The following FMN2 variants were observed in gnomAD, a reference collection of about 807,000 sequenced individuals.
The protein encoded by FMN2 is formin 2.
FMN2 carries 51 observed loss-of-function variants against 142.3 expected under a neutral mutation model. The ratio of observed to expected loss-of-function variants is 0.36; its 90% CI spans 0.29 to 0.45. The LOEUF is 0.45. FMN2 is among the 20% of genes least tolerant of loss of function. The pLI is 1.00. For missense variants in FMN2, 1,936 were observed against 2,122.8 expected (o/e 0.91, Z 1.73); for synonymous variants, 882 against 869.8 (o/e 1.01, Z -0.25).
intron 16 of FMN2, among the ~76,000 whole-genome samples, chr1:240,468,868 G>A (rs1282064773): frequency 6.6e-6 from 1 of 152,122 alleles, no homozygotes; most frequent in Non-Finnish European, 1.5e-5. Flanking sequence ...TCTTCGTACC[G>A]ACTTCTCCCT....
At chr1:240,112,877 G>A (rs189839263) in intron 1 of FMN2, among the ~76,000 whole-genome samples, 2 of 152,334 alleles carry the variant, frequency 1.3e-5, no homozygotes, top group Non-Finnish European at 2.9e-5. Flanking sequence ...ACCAGCTCCT[G>A]CTGTGAAATG....
chr1:240,274,221 G>GA lies in FMN2; in HGVS notation c.4153+16204dup, dbSNP rs112979143. On this transcript the variant is annotated intron_variant, in intron 7 of 17. Coordinates refer to ENST00000319653, the MANE Select transcript of FMN2 (RefSeq NM_020066.5). ...TTTTAATATGTACCATGGGGGAAAC[G>GA]AAAAAAAAAAAAAAAGAGAGAGTGG... Among the ~76,000 whole-genome samples, 433 of 109,402 alleles carry GA rather than the reference G, an allele frequency of 4.0e-3. 1 individual carries two copies. The highest frequency in any genetic ancestry group is 5.2e-3 in the Non-Finnish European group (260 of 49,746). The allele number at this position is 109,402 out of a possible 152,430, so 71.8% of individuals were successfully genotyped here. A position where few individuals can be genotyped will look rare whatever the true frequency, so the allele number is the denominator to read the frequency against.
At chr1:240,437,012 C>T (rs1254892184) in intron 15 of FMN2, among the ~76,000 whole-genome samples, 3 of 152,140 alleles carry the variant, frequency 2.0e-5, no homozygotes, top group Non-Finnish European at 4.4e-5. Context: ...CACGCGTTAT[C>T]GACTGTATTG....
At chr1:240,348,928 G>C (rs190878696) in intron 13 of FMN2, among the ~76,000 whole-genome samples, 1 of 152,100 alleles carries the variant, frequency 6.6e-6, no homozygotes, top group East Asian at 1.9e-4. Context: ...CCCAGTGTCC[G>C]GTCACTAGCT....
At chr1:240,131,515 C>T (rs1662734523) in intron 2 of FMN2, among the ~76,000 whole-genome samples, 1 of 152,052 alleles carries the variant, frequency 6.6e-6, no homozygotes. Flanking sequence ...TCGAGACTAG[C>T]CTGACCAACA....
chr1:240,376,089 G>T (rs531067113), intron 14 of FMN2, among the ~76,000 whole-genome samples: 6 of 151,602 alleles, frequency 4.0e-5, no homozygotes, highest in Admixed American at 3.3e-4. Context: ...TTTTTTCCTG[G>T]TACTATATCT....
At chr1:240,399,216 T>C (rs1339822239) in intron 15 of FMN2, among the ~76,000 whole-genome samples, 5 of 152,220 alleles carry the variant, frequency 3.3e-5, no homozygotes, top group Non-Finnish European at 7.3e-5. Flanking sequence ...GAGTAAAATA[T>C]GTATGTCGAG....
At chr1:240,362,931 T>C (rs1192286119) in intron 14 of FMN2, among the ~76,000 whole-genome samples, 1 of 152,216 alleles carries the variant, frequency 6.6e-6, no homozygotes, top group African/African-American at 2.4e-5. Context: ...ATTTCTTCTT[T>C]AAGCATAGTA....
chr1:240,427,202 T>G (rs1364340868), intron 15 of FMN2, among the ~76,000 whole-genome samples: 58 of 150,752 alleles, frequency 3.8e-4, no homozygotes, highest in African/African-American at 1.3e-3. Flanking sequence ...TGGTTTTTTT[T>G]TTGTTTTTGT....
intron 1 of FMN2, among the ~76,000 whole-genome samples, chr1:240,094,781 T>A (rs1011162258): frequency 3.3e-5 from 5 of 152,210 alleles, no homozygotes; most frequent in Non-Finnish European, 7.3e-5. Flanking sequence ...TAAAATCTTA[T>A]GTTCTATTAT....
chr1:240,109,602 A>C (rs1248216632), intron 1 of FMN2, among the ~76,000 whole-genome samples: 4 of 152,156 alleles, frequency 2.6e-5, no homozygotes. Flanking sequence ...AAGTGCCTAC[A>C]GTGTGTCTTT....
intron 16 of FMN2, among the ~76,000 whole-genome samples, chr1:240,444,475 C>T (rs1675737859): frequency 6.6e-6 from 1 of 152,204 alleles, no homozygotes; most frequent in South Asian, 2.1e-4. Context: ...TGGCCTGAGA[C>T]ATTTTAATTT....
intron 7 of FMN2, among the ~76,000 whole-genome samples, chr1:240,292,291 A>T (rs1331707034): frequency 6.6e-6 from 1 of 152,220 alleles, no homozygotes; most frequent in Non-Finnish European, 1.5e-5. Context: ...AAATAAATAC[A>T]TAAATAAGTA....
chr1:240,340,121 C>G (rs1156612900), intron 13 of FMN2, among the ~76,000 whole-genome samples: 2 of 151,886 alleles, frequency 1.3e-5, no homozygotes, highest in Non-Finnish European at 2.9e-5. Context: ...TTTTTCCAGA[C>G]TTTGGGTACT....
At chr1:240,114,626 C>A (rs941510357) in intron 1 of FMN2, among the ~76,000 whole-genome samples, 1 of 150,458 alleles carries the variant, frequency 6.6e-6, no homozygotes. Flanking sequence ...TTAGGGATTG[C>A]AAAATGGTGA....
chr1:240,272,708 G>T, intron 7 of FMN2, among the ~76,000 whole-genome samples: 1 of 152,098 alleles, frequency 6.6e-6, no homozygotes, highest in African/African-American at 2.4e-5. Flanking sequence ...CTTCCTCTCA[G>T]CTCAGTGTGC....
intron 6 of FMN2, among the ~76,000 whole-genome samples, chr1:240,231,521 C>G (rs539160104): frequency 6.6e-6 from 1 of 152,226 alleles, no homozygotes; most frequent in East Asian, 1.9e-4. Flanking sequence ...AAATTAGAAT[C>G]ATTTATTTAA....
intron 1 of FMN2, among the ~76,000 whole-genome samples, chr1:240,121,512 A>C (rs2103214491): frequency 6.6e-6 from 1 of 151,206 alleles, no homozygotes; most frequent in Admixed American, 6.6e-5. Context: ...AGTAGCTGGG[A>C]CTACAGGCGC....
At chr1:240,202,744 A>T (rs1442115887) in intron 4 of FMN2, among the ~76,000 whole-genome samples, 1 of 152,162 alleles carries the variant, frequency 6.6e-6, no homozygotes, top group African/African-American at 2.4e-5. Flanking sequence ...GATTACAGGC[A>T]TGACCACTGT....
Sources: gnomAD v4.1 joint callset for allele counts (sites outside exome capture counted in the v4.1 genomes callset) on GRCh38, gnomAD v4.1.1 for gene constraint, MANE v1.5 for transcripts, NCBI Gene and HGNC (gene_info 2026-07-23, HGNC 2026-07-21) for gene names.